The following GRID1 variants were observed in gnomAD, a reference collection of about 807,000 sequenced individuals.
The protein encoded by GRID1 is glutamate receptor ionotropic, delta-1.
A neutral mutation model predicts 98.0 loss-of-function variants in GRID1; 28 were observed. The observed-to-expected ratio is 0.29, with a 90% CI of 0.21 to 0.39. The LOEUF (loss-of-function observed/expected upper bound fraction) is 0.39. Ranked by LOEUF, GRID1 falls within the 10% of genes least tolerant of loss-of-function variation. GRID1 has a pLI of 1.00. For missense variants in GRID1, 1,111 were observed against 1,340.5 expected (o/e 0.83, Z 2.67); for synonymous variants, 553 against 538.5 (o/e 1.03, Z -0.37).
rs1445095401 is a variant in GRID1, at chr10:85,931,503, CT to C, written c.727-15265del. The stretch of plus-strand genomic sequence containing the variant: ...TCTCTCTCATTATATACCTCTTTGC[CT>C]TTTTGCTTTACTTCAATTGAACTTT... On this transcript the variant is annotated intron_variant, in intron 4 of 15. Coordinates refer to ENST00000327946, the MANE Select transcript of GRID1 (RefSeq NM_017551.3). Among the ~76,000 whole-genome samples the C allele has an allele frequency of 9.2e-5, 14 of 152,150 alleles. No homozygotes were observed. In the South Asian group the frequency reaches 2.5e-3, roughly 27 times the overall value.
At chr10:86,179,395 G>A (rs1014025592) in intron 3 of GRID1, among the ~76,000 whole-genome samples, 6 of 152,114 alleles carry the variant, frequency 3.9e-5, no homozygotes, top group African/African-American at 7.2e-5. Flanking sequence ...CCCCGATGGC[G>A]TGCCAGGCAG....
At chr10:86,137,499 C>T (rs1044342327) in intron 4 of GRID1, among the ~76,000 whole-genome samples, 6 of 152,120 alleles carry the variant, frequency 3.9e-5, no homozygotes, top group South Asian at 2.1e-4. Flanking sequence ...AGGGGGCCAG[C>T]GATGAGATTA....
chr10:85,816,440 T>C (rs1250303038), intron 8 of GRID1, among the ~76,000 whole-genome samples: 1 of 152,170 alleles, frequency 6.6e-6, no homozygotes, highest in Non-Finnish European at 1.5e-5. Context: ...ATACATATCA[T>C]GTAACTCACT....
At chr10:85,958,969 A>AAAAGAAAG (rs1020855090) in intron 4 of GRID1, among the ~76,000 whole-genome samples, 194 of 151,162 alleles carry the variant, frequency 1.3e-3, no homozygotes, top group African/African-American at 4.4e-3. Context: ...AAAAAAAAAA[A>AAAAGAAAG]AAAGAAAGAA....
intron 2 of GRID1, among the ~76,000 whole-genome samples, chr10:86,220,683 G>GCCACACCCAGCCTGTGTC (rs1167726712): frequency 2.0e-5 from 3 of 152,212 alleles, no homozygotes; most frequent in Non-Finnish European, 1.5e-5. Context: ...GGTGAGGGGT[G>GCCACACCCAGCCTGTGTC]CCACACCCAG....
chr10:86,230,936 C>A (rs1296558524), intron 2 of GRID1, among the ~76,000 whole-genome samples: 1 of 152,196 alleles, frequency 6.6e-6, no homozygotes, highest in African/African-American at 2.4e-5. Context: ...GCGGTGTGGG[C>A]AGTGACAGGC....
At chr10:85,878,559 C>A (rs1164027432) in intron 5 of GRID1, among the ~76,000 whole-genome samples, 1 of 152,052 alleles carries the variant, frequency 6.6e-6, no homozygotes, top group Non-Finnish European at 1.5e-5. Flanking sequence ...ACTTTACAGA[C>A]AAGCAAATGC....
chr10:86,307,151 A>T (rs879477659), intron 2 of GRID1, among the ~76,000 whole-genome samples: 5 of 152,230 alleles, frequency 3.3e-5, no homozygotes, highest in Non-Finnish European at 7.3e-5. Flanking sequence ...TCTATAAAAA[A>T]CTAAAAATAG....
At chr10:86,352,490 G>C (rs1310490433) in intron 2 of GRID1, among the ~76,000 whole-genome samples, 1 of 152,012 alleles carries the variant, frequency 6.6e-6, no homozygotes, top group African/African-American at 2.4e-5. Context: ...TTCCTGATGA[G>C]GGCTGTCTTC....
chr10:85,924,688 T>A (rs920404594), intron 4 of GRID1, among the ~76,000 whole-genome samples: 2 of 152,224 alleles, frequency 1.3e-5, no homozygotes, highest in African/African-American at 4.8e-5. Context: ...TCTGAAAAAC[T>A]ATTATGTTGC....
At chr10:85,855,845 A>T (rs1843104738) in intron 7 of GRID1, among the ~76,000 whole-genome samples, 184 bp downstream of exon 7, 1 of 152,202 alleles carries the variant, frequency 6.6e-6, no homozygotes, top group Admixed American at 6.5e-5. Flanking sequence ...GTATTCATGG[A>T]CCACAGCTCA....
At chr10:86,012,925 ATTT>A (rs1440281850) in intron 4 of GRID1, among the ~76,000 whole-genome samples, 1 of 152,220 alleles carries the variant, frequency 6.6e-6, no homozygotes, top group Non-Finnish European at 1.5e-5. Flanking sequence ...CTAAGACACT[ATTT>A]ATCAGGATAA....
At chr10:85,974,313 T>C (rs1449539188) in intron 4 of GRID1, among the ~76,000 whole-genome samples, 5 of 152,112 alleles carry the variant, frequency 3.3e-5, no homozygotes, top group Non-Finnish European at 7.4e-5. Flanking sequence ...TTTTGTTTTG[T>C]TTTTTGTAAA....
chr10:86,287,849 A>G (rs1381261997), intron 2 of GRID1, among the ~76,000 whole-genome samples: 1 of 151,542 alleles, frequency 6.6e-6, no homozygotes, highest in Admixed American at 6.6e-5. Context: ...CTAGACACTC[A>G]TATCTAGGAT....
intron 10 of GRID1, 139 bp from the exon 11 acceptor site, chr10:85,724,815 G>T: frequency 1.6e-6 from 1 of 617,068 alleles, no homozygotes; most frequent in Non-Finnish European, 2.8e-6. Flanking sequence ...CTGAGAGTCT[G>T]AATATTATAA....
At chr10:85,814,230 AT>A (rs1842697124) in intron 8 of GRID1, among the ~76,000 whole-genome samples, 1 of 152,056 alleles carries the variant, frequency 6.6e-6, no homozygotes, top group East Asian at 1.9e-4. Context: ...TGCCAGGCAG[AT>A]TGAAAATAAA....
At chr10:85,670,517 A>G (rs1279213364) in intron 12 of GRID1, among the ~76,000 whole-genome samples, 6 of 152,346 alleles carry the variant, frequency 3.9e-5, no homozygotes, top group Admixed American at 1.3e-4. Flanking sequence ...GAAGTTTAAA[A>G]TGGCACCTAG....
At chr10:85,735,288 A>G (rs1463257484) in intron 8 of GRID1, among the ~76,000 whole-genome samples, 1 of 152,184 alleles carries the variant, frequency 6.6e-6, no homozygotes, top group Non-Finnish European at 1.5e-5. Context: ...GCTATTTGAT[A>G]AGACAGCTAC....
At chr10:86,094,295 G>T (rs567368275) in intron 4 of GRID1, among the ~76,000 whole-genome samples, 1 of 152,284 alleles carries the variant, frequency 6.6e-6, no homozygotes, top group Non-Finnish European at 1.5e-5. Flanking sequence ...ACAAGACAAG[G>T]ATGTCCACTC....
Sources: gnomAD v4.1 joint callset for allele counts (sites outside exome capture counted in the v4.1 genomes callset) on GRCh38, gnomAD v4.1.1 for gene constraint, MANE v1.5 for transcripts, NCBI Gene and HGNC (gene_info 2026-07-23, HGNC 2026-07-21) for gene names.